The following ANKRD1 variants were observed in gnomAD, a reference collection of about 807,000 sequenced individuals.
The protein encoded by ANKRD1 is ankyrin repeat domain 1.
In ANKRD1, 32 loss-of-function variants were observed where a neutral mutation model predicts 40.1. The ratio of observed to expected loss-of-function variants is 0.80; its 90% CI spans 0.60 to 1.07. The LOEUF is 1.07. Among genes scored for constraint, ANKRD1 ranks in the 50% least tolerant of loss-of-function variants. The probability of loss-of-function intolerance (pLI) is 0.00; values close to 1 mark genes in which losing one functional copy is unlikely to be tolerated. For missense variants in ANKRD1, 359 were observed against 386.0 expected, an observed-to-expected ratio of 0.93 and a Z score of 0.59; for synonymous variants, 149 against 141.2, an observed-to-expected ratio of 1.06 and a Z score of -0.39.
intron 3 of ANKRD1, 67 bp from the exon 4 acceptor site, chr10:90,919,039 G>A: frequency 6.4e-7 from 1 of 1,559,832 alleles, no homozygotes; most frequent in South Asian, 1.1e-5. Flanking sequence ...CCGTGAGCTT[G>A]CCAGCATTCA....
chr10:90,915,815 G>A lies in ANKRD1; in HGVS notation c.717C>T (p.Ile239=). The A allele has an allele frequency of 6.2e-7, 1 of 1,613,794 alleles. No individual in the cohort carries two copies. The highest frequency in any genetic ancestry group is 8.5e-7 in the Non-Finnish European group (1 of 1,179,952). ...TGHYECAEHL[I]ACEADLNAKD... is the part of the protein sequence containing the mutation. ...TGGCGTTGAGGTCTGCCTCACAGGC[G>A]ATAAGATGCTCCGCGCACTCATAGT... Residue 239 remains isoleucine, a synonymous_variant, in exon 7 of 9, where the codon ATC becomes ATT. Transcript: ENST00000371697.
At chr10:90,917,019 T>C (rs965937347) in intron 5 of ANKRD1, among the ~76,000 whole-genome samples, 1 of 152,212 alleles carries the variant, frequency 6.6e-6, no homozygotes, top group Non-Finnish European at 1.5e-5. Flanking sequence ...ACTCATGATT[T>C]TTAGTTTCCA....
In ANKRD1 at chr10:90,915,598, T is replaced by G; in HGVS notation, c.794A>C (p.Tyr265Ser). ...PLHDAVRLNR[Y>S]KMIRLLIMYG... ...CATAATCAGGAGTCGGATCATCTTATAGCGGTTCAGTCTCACCGCATCATG... is the reference window on the plus strand; with the variant it reads ...CATAATCAGGAGTCGGATCATCTTAGAGCGGTTCAGTCTCACCGCATCATG... Residue 265 changes from tyrosine (Y) to serine (S), a missense_variant, in exon 8 of 9, where the codon TAT becomes TCT. Tyr to Ser is a moderately radical substitution (Grantham distance 144). Coordinates refer to ENST00000371697, the MANE Select transcript of ANKRD1 (RefSeq NM_014391.3). The G allele has an allele frequency of 1.2e-6, 2 of 1,614,118 alleles. No individual in the cohort carries two copies. Among genetic ancestry groups the G allele is most frequent in the Non-Finnish European group, 1.7e-6 (2 of 1,179,996 alleles).
intron 5 of ANKRD1, 88 bp downstream of exon 5, chr10:90,917,644 A>G: frequency 1.8e-6 from 2 of 1,135,172 alleles, no homozygotes; most frequent in Non-Finnish European, 1.3e-6. Flanking sequence ...TTTTCAATCC[A>G]ATCAGCTCGG....
chr10:90,916,167 A>G lies in ANKRD1; in HGVS notation c.651+4T>C, dbSNP rs765256800. On this transcript the variant is annotated splice_donor_region_variant and intron_variant, in intron 6 of 8. Coordinates refer to ENST00000371697, the MANE Select transcript of ANKRD1 (RefSeq NM_014391.3). ...AATGAAGGGAGAAGGAGAAGAAGGA[A>G]TACCTTATCTCGGGCGCTAATTTTT... is the stretch of plus-strand genomic sequence containing the variant. 2 of 1,607,840 alleles carry G rather than the reference A, an allele frequency of 1.2e-6. No individual in the cohort carries two copies. Among genetic ancestry groups the G allele is most frequent in the Non-Finnish European group, 1.7e-6 (2 of 1,175,028 alleles).
intron 2 of ANKRD1, 133 bp from the exon 3 acceptor site, chr10:90,919,401 T>C: frequency 2.7e-6 from 2 of 748,626 alleles, no homozygotes; most frequent in Non-Finnish European, 4.1e-6. Flanking sequence ...TTAAAAATTA[T>C]ATAAATCTTT....
chr10:90,916,075 G>A (rs1350784953), intron 6 of ANKRD1, 96 bp downstream of exon 6: 10 of 615,422 alleles, frequency 1.6e-5, no homozygotes, highest in South Asian at 1.4e-4. Context: ...TGGGGGAGAA[G>A]GAGGAGGGGG....
intron 1 of ANKRD1, among the ~76,000 whole-genome samples, chr10:90,920,562 T>G (rs1168884894): frequency 6.6e-6 from 1 of 152,212 alleles, no homozygotes; most frequent in Non-Finnish European, 1.5e-5. Flanking sequence ...AAATCAAAGC[T>G]TGGGTTAGGT....
chr10:90,919,100 T>C lies in ANKRD1; in HGVS notation c.345+31A>G, dbSNP rs28730749. Reference sequence around the variant, plus strand: ...CCCCTGTAGCACAACACTGGACATGTATTACTGGAAACCAAAAAAAAAGCC... The same window carrying C: ...CCCCTGTAGCACAACACTGGACATGCATTACTGGAAACCAAAAAAAAAGCC... On this transcript the variant is annotated intron_variant, in intron 3 of 8. Coordinates refer to ENST00000371697, the MANE Select transcript of ANKRD1 (RefSeq NM_014391.3). 806 of 1,612,130 alleles carry C rather than the reference T, an allele frequency of 5.0e-4. 5 individuals are homozygous for C. In the African/African-American group the frequency reaches 9.8e-3, roughly 20 times the overall value.
In ANKRD1 at chr10:90,915,854, C is replaced by T. The variant is rs376432423; in HGVS notation, c.678G>A (p.Ala226=). Reference sequence around the variant, plus strand: ...CGCACTCATAGTGGCCAGTCCTCACCGCCACATGCAGCGCTGTGCTGAGCA... The same window carrying T: ...CGCACTCATAGTGGCCAGTCCTCACTGCCACATGCAGCGCTGTGCTGAGCA... ...DKLLSTALHV[A]VRTGHYECAE... Residue 226 remains alanine, a synonymous_variant, in exon 7 of 9, where the codon GCG becomes GCA. Coordinates refer to ENST00000371697, the MANE Select transcript of ANKRD1 (RefSeq NM_014391.3). 2 of 1,612,980 alleles carry T rather than the reference C, an allele frequency of 1.2e-6. No individual in the cohort carries two copies. Among genetic ancestry groups the T allele is most frequent in the African/African-American group, 2.7e-5 (2 of 74,522 alleles).
chr10:90,916,430 A>ATGTGTG (rs112074175), intron 5 of ANKRD1, among the ~76,000 whole-genome samples, 161 bp from the exon 6 acceptor site: 1 of 149,880 alleles, frequency 6.7e-6, no homozygotes, highest in Non-Finnish European at 1.5e-5. Context: ...GCTAAATTAC[A>ATGTGTG]TGTGTGTGTG....
chr10:90,916,846 C>A (rs1347605873), intron 5 of ANKRD1, among the ~76,000 whole-genome samples: 1 of 152,162 alleles, frequency 6.6e-6, no homozygotes, highest in Non-Finnish European at 1.5e-5. Context: ...GTCCCTGTCG[C>A]TCTTTCTCTA....
intron 8 of ANKRD1, among the ~76,000 whole-genome samples, chr10:90,914,799 T>G (rs1847353189): frequency 6.7e-6 from 1 of 148,414 alleles, no homozygotes; most frequent in African/African-American, 2.5e-5. Context: ...TTTATACCTG[T>G]TCCTCTGGGC....
rs377074932 is a variant in ANKRD1, at chr10:90,915,572, A to C, written c.820T>G (p.Tyr274Asp). The C allele has an allele frequency of 2.5e-6, 4 of 1,614,086 alleles. No homozygotes were observed. The highest frequency in any genetic ancestry group is 3.4e-6 in the Non-Finnish European group (4 of 1,179,998). The change falls in exon 8 of 9, where the codon TAT becomes GAT. Residue 274 changes from tyrosine to aspartate, a missense_variant. Physicochemically the swap from Tyr to Asp is radical, Grantham distance 160. Transcript: ENST00000371697. ...RYKMIRLLIMYGADLNIKNCA... is the reference protein window; with the variant it reads ...RYKMIRLLIMDGADLNIKNCA... ...TTCTTGATGTTGAGATCCGCGCCAT[A>C]CATAATCAGGAGTCGGATCATCTTA...
At chr10:90,916,365 C>T in intron 5 of ANKRD1, 96 bp from the exon 6 acceptor site, 5 of 884,828 alleles carry the variant, frequency 5.7e-6, no homozygotes, top group Non-Finnish European at 9.4e-6. Flanking sequence ...AATGAGTTGT[C>T]CCCATCTAGA....
intron 4 of ANKRD1, among the ~76,000 whole-genome samples, chr10:90,918,441 C>G (rs1057037731): frequency 2.6e-5 from 4 of 152,036 alleles, no homozygotes; most frequent in Admixed American, 6.6e-5. Context: ...TGCAAATTAG[C>G]TGCTCAAAAC....
intron 3 of ANKRD1, 45 bp downstream of exon 3, chr10:90,919,086 C>T (rs1465208032): frequency 1.2e-5 from 19 of 1,610,270 alleles, no homozygotes; most frequent in Non-Finnish European, 1.5e-5. Context: ...CCCTGTAGCA[C>T]AACACTGGAC....
chr10:90,914,840 T>C (rs1179693584), intron 8 of ANKRD1, among the ~76,000 whole-genome samples: 1 of 152,020 alleles, frequency 6.6e-6, no homozygotes, highest in African/African-American at 2.4e-5. Flanking sequence ...TAGATGGTGT[T>C]TGTCTGGAAA....
rs1004430284 is a variant in ANKRD1, at chr10:90,916,223, T to C, written c.599A>G (p.Asp200Gly). 1.2e-6 allele frequency: 2 copies of C among 1,613,872 alleles called. No homozygotes were observed. The highest frequency in any genetic ancestry group is 8.5e-7 in the Non-Finnish European group (1 of 1,179,974). The change falls in exon 6 of 9, where the codon GAT becomes GGT. Residue 200 changes from aspartate to glycine, a missense_variant. By Grantham distance (94) the Asp-to-Gly change is moderately conservative (BLOSUM62 -1). Transcript: ENST00000371697. ...TTTATTCAGCAACAATTTTAAAACA[T>C]CCAGGTTTCCTCCACGGCTTGCCCA... is the stretch of plus-strand genomic sequence containing the variant. The part of the protein sequence containing the change: ...IHWASRGGNL[D>G]VLKLLLNKGA...
Sources: allele counts gnomAD v4.1 joint callset (sites outside exome capture counted in the v4.1 genomes callset), GRCh38; gene constraint gnomAD v4.1.1; transcripts MANE v1.5; gene names NCBI Gene and HGNC (gene_info 2026-07-23, HGNC 2026-07-21).